Variants in CACUL1 observed in about 807,000 individuals in gnomAD.
CACUL1 encodes CDK2 associated cullin domain 1, also known as CDK2-associated and cullin domain-containing protein 1.
Under a neutral mutation model 45.2 loss-of-function variants are expected in CACUL1, and 13 were observed. The ratio of observed to expected loss-of-function variants is 0.29; its 90% confidence interval spans 0.19 to 0.46. The LOEUF (loss-of-function observed/expected upper bound fraction) is 0.46. Ranked by LOEUF, CACUL1 falls within the 20% of genes least tolerant of loss-of-function variation. The pLI, the probability that CACUL1 is intolerant of heterozygous loss-of-function variation, is 1.00. For missense variants in CACUL1, 421 were observed against 471.4 expected, an observed-to-expected ratio of 0.89 and a Z score of 0.99; for synonymous variants, 197 against 174.2, an observed-to-expected ratio of 1.13 and a Z score of -1.03.
chr10:118,710,090 AT>A (rs113369997), intron 3 of CACUL1, among the ~76,000 whole-genome samples: 4,268 of 139,682 alleles, frequency 0.031, 71 homozygotes, highest in African/African-American at 0.054. Context: ...TTTGTTTGGG[AT>A]TTTTTTTTTT....
At chr10:118,734,178 C>T (rs1264381443) in intron 1 of CACUL1, among the ~76,000 whole-genome samples, 1 of 152,178 alleles carries the variant, frequency 6.6e-6, no homozygotes, top group African/African-American at 2.4e-5. Context: ...CTTTTTATTT[C>T]TTGATTTCTA....
chr10:118,682,573 T>C lies in CACUL1; in HGVS notation c.*3555A>G, dbSNP rs1332111978. 2 of 152,678 alleles carry C rather than the reference T, an allele frequency of 1.3e-5. No individual in the cohort carries two copies. The highest frequency in any genetic ancestry group is 1.3e-4 in the Admixed American group (2 of 15,284). The allele number at this position is 152,678 out of a possible 1,614,324, so 9.5% of individuals were successfully genotyped here. On this transcript the variant is annotated 3_prime_UTR_variant, in exon 9 of 9. Transcript: ENST00000369151. ...TTTGCTAGATCACCATTACCTTTGC[T>C]AGTATGCGTACAGACCACCACTCGG...
chr10:118,727,383 G>A (rs1845661446), intron 3 of CACUL1, among the ~76,000 whole-genome samples: 1 of 130,854 alleles, frequency 7.6e-6, no homozygotes, highest in South Asian at 2.5e-4. Flanking sequence ...GACAGAGCGA[G>A]ACCCCCATCT....
chr10:118,739,601 C>A (rs147861767), intron 1 of CACUL1, among the ~76,000 whole-genome samples: 36 of 152,316 alleles, frequency 2.4e-4, no homozygotes, highest in African/African-American at 8.4e-4. Flanking sequence ...TATCCACACA[C>A]TCTCAGGAAA....
rs1845930898 is a variant in CACUL1 at position 118,754,315 on chromosome 10, G to T, written c.367+81C>A. On this transcript the variant is annotated intron_variant, in intron 1 of 8. Coordinates refer to ENST00000369151, the MANE Select transcript of CACUL1 (RefSeq NM_153810.5). The stretch of plus-strand genomic sequence containing the variant: ...ACCGAGGCCTGAAACAAAGGAAGCG[G>T]AGCTTTCTCCAAGAGGGGGTGGATT... The T allele has an allele frequency of 3.5e-6, 5 of 1,426,430 alleles. No individual in the cohort carries two copies. In the African/African-American group the frequency reaches 7.5e-5, roughly 21 times the overall value. 88.4% of individuals were successfully genotyped at this position (1,426,430 alleles called of 1,614,324 possible).
intron 4 of CACUL1, among the ~76,000 whole-genome samples, chr10:118,703,516 T>C (rs1845404783): frequency 6.6e-6 from 1 of 152,214 alleles, no homozygotes; most frequent in African/African-American, 2.4e-5. Flanking sequence ...TCTGCTATTT[T>C]AAAAACCTGC....
chr10:118,691,102 CTTCAACAT>C (rs1170645454), intron 7 of CACUL1, among the ~76,000 whole-genome samples, 155 bp downstream of exon 7: 4 of 152,166 alleles, frequency 2.6e-5, no homozygotes, highest in Admixed American at 2.0e-4. Flanking sequence ...CAAAACCTAG[CTTCAACAT>C]TTCTACAGAC....
chr10:118,701,970 G>C (rs1845384213), intron 4 of CACUL1, among the ~76,000 whole-genome samples: 1 of 152,132 alleles, frequency 6.6e-6, no homozygotes, highest in African/African-American at 2.4e-5. Flanking sequence ...AACCATGAGG[G>C]GAATGTCAGG....
intron 7 of CACUL1, among the ~76,000 whole-genome samples, chr10:118,690,359 T>C (rs1845252989): frequency 6.7e-6 from 1 of 149,930 alleles, no homozygotes; most frequent in Non-Finnish European, 1.5e-5. Context: ...ATGGAAGCTA[T>C]TACTGTGACC....
At chr10:118,744,858 G>A (rs1024943690) in intron 1 of CACUL1, among the ~76,000 whole-genome samples, 3 of 152,034 alleles carry the variant, frequency 2.0e-5, no homozygotes, top group African/African-American at 4.8e-5. Context: ...GTTTCACCAC[G>A]TTGGCCAGGC....
At chr10:118,728,173 T>C (rs1261759325) in intron 3 of CACUL1, among the ~76,000 whole-genome samples, 1 of 152,156 alleles carries the variant, frequency 6.6e-6, no homozygotes, top group Non-Finnish European at 1.5e-5. Context: ...AAAACTAAGC[T>C]ATCTCAGACC....
At chr10:118,723,780 T>A (rs973951788) in intron 3 of CACUL1, among the ~76,000 whole-genome samples, 2 of 152,204 alleles carry the variant, frequency 1.3e-5, no homozygotes, top group African/African-American at 4.8e-5. Context: ...ACCACCATTT[T>A]TTTTTCTTTT....
chr10:118,702,749 T>G (rs1429112277), intron 4 of CACUL1, among the ~76,000 whole-genome samples: 1 of 151,980 alleles, frequency 6.6e-6, no homozygotes, highest in Non-Finnish European at 1.5e-5. Context: ...ACCCGGCTAA[T>G]TTTTGTATTT....
chr10:118,692,379 G>C (rs1023780786), intron 6 of CACUL1: 1 of 152,122 alleles, frequency 6.6e-6, no homozygotes, highest in Non-Finnish European at 1.5e-5. Flanking sequence ...AGATGAATTA[G>C]TATCTTTATT....
chr10:118,695,259 T>G, intron 5 of CACUL1, 29 bp from the exon 6 acceptor site: 2 of 1,211,676 alleles, frequency 1.7e-6, no homozygotes, highest in Non-Finnish European at 2.5e-6. Flanking sequence ...TTAAAAAGAA[T>G]GTAACACATA....
chr10:118,704,877 A>C (rs775790097), intron 4 of CACUL1, among the ~76,000 whole-genome samples: 14 of 152,208 alleles, frequency 9.2e-5, no homozygotes, highest in Non-Finnish European at 1.8e-4. Flanking sequence ...TCTTGGGCGC[A>C]GTATAAGAGC....
intron 1 of CACUL1, among the ~76,000 whole-genome samples, chr10:118,730,906 G>C (rs935155404): frequency 1.3e-5 from 2 of 152,124 alleles, no homozygotes; most frequent in Admixed American, 1.3e-4. Context: ...ATCACAAAGA[G>C]GTTGCTGTAA....
Position 118,749,719 on chromosome 10 carries a change from G to A in CACUL1, c.367+4677C>T, listed in dbSNP as rs1171161476. On this transcript the variant is annotated intron_variant, in intron 1 of 8. Transcript: ENST00000369151. ...ACTTTTCAAAGATTAATAAACACTG[G>A]CTCTAAGCCAATACGAACCCTAAGA... Among the ~76,000 whole-genome samples the A allele has an allele frequency of 2.0e-5, 3 of 152,166 alleles. No individual in the cohort carries two copies. The East Asian group carries it at 5.8e-4, about 29-fold the overall frequency.
intron 1 of CACUL1, among the ~76,000 whole-genome samples, chr10:118,743,732 A>G (rs1380781546): frequency 2.0e-5 from 3 of 152,146 alleles, no homozygotes; most frequent in Middle Eastern, 3.2e-3. Context: ...TCCGTCCCCA[A>G]AAAAAGGAAA....
Sources: allele counts gnomAD v4.1 joint callset (sites outside exome capture counted in the v4.1 genomes callset), GRCh38; gene constraint gnomAD v4.1.1; transcripts MANE v1.5; gene names NCBI Gene and HGNC (gene_info 2026-07-23, HGNC 2026-07-21).